ATP8B4: variants seen among roughly 807,000 people sequenced by gnomAD.
ATP8B4 encodes ATPase phospholipid transporting 8B4 (putative), also known as probable phospholipid-transporting ATPase IM.
A neutral mutation model predicts 145.6 loss-of-function variants in ATP8B4; 133 were observed. The observed-to-expected ratio is 0.91, with a 90% confidence interval of 0.79 to 1.05. ATP8B4 has a LOEUF of 1.05. Ranked by LOEUF, ATP8B4 falls within the 50% of genes least tolerant of loss-of-function variation. The pLI is 0.00. For synonymous variants in ATP8B4, 507 were observed against 492.9 expected (o/e 1.03, Z -0.38); for missense variants, 1,458 against 1,425.2 (o/e 1.02, Z -0.37).
chr15:49,939,914 T>C (rs1447485921), intron 14 of ATP8B4, among the ~76,000 whole-genome samples: 1 of 152,168 alleles, frequency 6.6e-6, no homozygotes, highest in Non-Finnish European at 1.5e-5. Flanking sequence ...CTGGTGAGGA[T>C]GTGGAGTAAA....
intron 14 of ATP8B4, among the ~76,000 whole-genome samples, chr15:49,940,215 AT>A (rs1307640161): frequency 1.7e-4 from 26 of 152,230 alleles, no homozygotes; most frequent in Non-Finnish European, 1.5e-5. Context: ...CTATACAGCC[AT>A]AAAAAAGAAT....
chr15:50,076,509 A>T (rs1456226609), intron 2 of ATP8B4, among the ~76,000 whole-genome samples: 1 of 151,928 alleles, frequency 6.6e-6, no homozygotes, highest in Middle Eastern at 3.4e-3. Context: ...AAGAAAAAAG[A>T]AAAAAAAGAA....
At chr15:50,069,057 T>C (rs2053562781) in intron 3 of ATP8B4, among the ~76,000 whole-genome samples, 1 of 152,214 alleles carries the variant, frequency 6.6e-6, no homozygotes, top group Non-Finnish European at 1.5e-5. Context: ...ACAACTGTTT[T>C]CTACTTCTAT....
intron 1 of ATP8B4, among the ~76,000 whole-genome samples, chr15:50,109,813 C>T (rs1237576342): frequency 6.6e-6 from 1 of 152,068 alleles, no homozygotes; most frequent in African/African-American, 2.4e-5. Context: ...CAAACATGAA[C>T]TTAATACAAT....
intron 10 of ATP8B4, among the ~76,000 whole-genome samples, chr15:49,983,094 T>C (rs1431566493): frequency 6.6e-6 from 1 of 152,196 alleles, no homozygotes; most frequent in Non-Finnish European, 1.5e-5. Flanking sequence ...CTTATCTTCT[T>C]ACTCAATCTA....
chr15:49,929,484 C>A (rs2041054303), intron 16 of ATP8B4, among the ~76,000 whole-genome samples: 1 of 152,080 alleles, frequency 6.6e-6, no homozygotes, highest in Admixed American at 6.6e-5. Flanking sequence ...AGGTAACAAT[C>A]CAGTGACAGG....
intron 2 of ATP8B4, among the ~76,000 whole-genome samples, chr15:50,095,517 G>C (rs565321481): frequency 6.6e-6 from 1 of 152,208 alleles, no homozygotes; most frequent in East Asian, 1.9e-4. Flanking sequence ...AACACTTTAG[G>C]AGGCCCAGGG....
At chr15:50,121,302 G>A (rs2057267770), upstream of ATP8B4, among the ~76,000 whole-genome samples, 1 of 152,064 alleles carries the variant, frequency 6.6e-6, no homozygotes. Context: ...AATTCACAGA[G>A]ACAGAAAGAG....
intron 3 of ATP8B4, among the ~76,000 whole-genome samples, chr15:50,054,803 A>AAAC (rs1567274483): frequency 4.4e-5 from 6 of 136,620 alleles, no homozygotes; most frequent in African/African-American, 1.9e-4. Flanking sequence ...AAAAAAAAAA[A>AAAC]AAAAAACAAA....
chr15:50,112,845 G>A lies in ATP8B4; in HGVS notation c.-42-5837C>T, dbSNP rs550828433. ...CTCCTTCTCTCCCAGTTTCCTTTCC[G>A]TTTCCCTAACATTTTTTCACAATTC... On this transcript the variant is annotated intron_variant, in intron 1 of 27. Transcript: ENST00000284509. 4.0e-5 allele frequency among the ~76,000 whole-genome samples: 6 copies of A among 151,598 alleles called. No homozygotes were observed. The East Asian group carries it at 7.8e-4, about 20-fold the overall frequency.
chr15:50,001,313 G>A (rs1045301228), intron 8 of ATP8B4, among the ~76,000 whole-genome samples: 4 of 152,010 alleles, frequency 2.6e-5, no homozygotes, highest in Admixed American at 1.3e-4. Context: ...GTTCCTCTCA[G>A]AACTGTTTTA....
At chr15:50,068,793 T>G (rs555842017) in intron 3 of ATP8B4, among the ~76,000 whole-genome samples, 1 of 152,226 alleles carries the variant, frequency 6.6e-6, no homozygotes, top group Admixed American at 6.5e-5. Context: ...TGACAGAGAG[T>G]GAGAGAAGAA....
chr15:50,120,173 C>T (rs756254859), upstream of ATP8B4, among the ~76,000 whole-genome samples: 1 of 152,048 alleles, frequency 6.6e-6, no homozygotes, highest in Non-Finnish European at 1.5e-5. Flanking sequence ...GCAAGCTAAT[C>T]CCCTGCGCAC....
At chr15:49,982,918 A>G (rs751077920) in intron 10 of ATP8B4, among the ~76,000 whole-genome samples, 1 of 152,066 alleles carries the variant, frequency 6.6e-6, no homozygotes, top group Non-Finnish European at 1.5e-5. Context: ...TGACTATTCC[A>G]TCCTTTTGAA....
At chr15:50,121,264 C>G (rs1178594437), upstream of ATP8B4, among the ~76,000 whole-genome samples, 2 of 152,034 alleles carry the variant, frequency 1.3e-5, no homozygotes, top group Non-Finnish European at 1.5e-5. Context: ...ATAATGATAA[C>G]AGCAAGGCTC....
intron 23 of ATP8B4, among the ~76,000 whole-genome samples, chr15:49,888,970 G>A (rs781450669): frequency 4.6e-5 from 7 of 151,916 alleles, no homozygotes; most frequent in Non-Finnish European, 7.4e-5. Flanking sequence ...GACACACCCC[G>A]CAAGTCATGA....
chr15:49,972,442 C>T, intron 13 of ATP8B4, 140 bp downstream of exon 13: 1 of 702,346 alleles, frequency 1.4e-6, no homozygotes, highest in Non-Finnish European at 2.3e-6. Context: ...ATATCAGCAT[C>T]TATATGGTAG....
chr15:50,106,968 A>T lies in ATP8B4; in HGVS notation c.-2T>A. 6.3e-7 allele frequency: 1 copy of T among 1,595,296 alleles called. No individual in the cohort carries two copies. The highest frequency in any genetic ancestry group is 8.5e-7 in the Non-Finnish European group (1 of 1,172,228). ...CAATTTCTTTTCACTGCAGAACATT[A>T]TTATACCTGATCTTTCACCAGGTCT... On this transcript the variant is annotated 5_prime_UTR_variant, in exon 2 of 28. Coordinates refer to ENST00000284509, the MANE Select transcript of ATP8B4 (RefSeq NM_024837.4).
chr15:50,038,761 T>G lies in ATP8B4; in HGVS notation c.362+7A>C. The G allele has an allele frequency of 6.2e-7, 1 of 1,607,806 alleles. No individual in the cohort carries two copies. The highest frequency in any genetic ancestry group is 8.5e-7 in the Non-Finnish European group (1 of 1,174,602). Reference sequence around the variant, plus strand: ...TTTCAGAATAACCCACAGAATGTATTTCTTACTTGCTGTTGATGAGCACTT... The same window carrying G: ...TTTCAGAATAACCCACAGAATGTATGTCTTACTTGCTGTTGATGAGCACTT... On this transcript the variant is annotated splice_region_variant and intron_variant, in intron 6 of 27. Coordinates refer to ENST00000284509, the MANE Select transcript of ATP8B4 (RefSeq NM_024837.4).
Sources: allele counts gnomAD v4.1 joint callset (sites outside exome capture counted in the v4.1 genomes callset), GRCh38; gene constraint gnomAD v4.1.1; transcripts MANE v1.5; gene names NCBI Gene and HGNC (gene_info 2026-07-23, HGNC 2026-07-21).